The following ANO3 variants were observed in gnomAD, a reference collection of about 807,000 sequenced individuals.
ANO3 encodes the protein anoctamin-3.
ANO3 carries 99 observed loss-of-function variants against 144.8 expected under a neutral mutation model. The ratio of observed to expected loss-of-function variants is 0.68; its 90% CI spans 0.58 to 0.81. The LOEUF is 0.81. ANO3 is among the 30% of genes least tolerant of loss of function. The pLI is 0.00. For missense variants in ANO3, 905 were observed against 1,202.2 expected, an observed-to-expected ratio of 0.75 and a Z score of 3.66; for synonymous variants, 414 against 392.6, an observed-to-expected ratio of 1.05 and a Z score of -0.64.
At chr11:26,262,739 CAG>C (rs926800288) in intron 1 of ANO3, among the ~76,000 whole-genome samples, 99 of 148,020 alleles carry the variant, frequency 6.7e-4, no homozygotes, top group Non-Finnish European at 7.7e-4. Flanking sequence ...CACACACACA[CAG>C]AGAGAGAGAG....
At chr11:26,417,088 G>C (rs1857611512) in intron 1 of ANO3, among the ~76,000 whole-genome samples, 1 of 151,884 alleles carries the variant, frequency 6.6e-6, no homozygotes, top group Non-Finnish European at 1.5e-5. Flanking sequence ...TAGAACCATG[G>C]CACAAGAGCA....
At chr11:26,449,062 G>A (rs183061673) in intron 3 of ANO3, among the ~76,000 whole-genome samples, 195 of 152,182 alleles carry the variant, frequency 1.3e-3, no homozygotes, top group African/African-American at 4.6e-3. Context: ...ACTCACTCTG[G>A]TATTCAGAGA....
chr11:26,384,447 ACT>A (rs1318061009), intron 1 of ANO3, among the ~76,000 whole-genome samples: 1 of 152,188 alleles, frequency 6.6e-6, no homozygotes. Context: ...AATTGTAGGT[ACT>A]GAGAACCTCT....
chr11:26,466,581 G>C (rs1436307081), intron 4 of ANO3, among the ~76,000 whole-genome samples: 1 of 151,932 alleles, frequency 6.6e-6, no homozygotes, highest in Non-Finnish European at 1.5e-5. Context: ...TCTTGAGGAG[G>C]AGAAGAGACC....
At chr11:26,239,907 C>T (rs996509966) in intron 1 of ANO3, among the ~76,000 whole-genome samples, 3 of 152,102 alleles carry the variant, frequency 2.0e-5, no homozygotes, top group Non-Finnish European at 2.9e-5. Flanking sequence ...TGTCGCTTTG[C>T]GAAGAAAGAA....
intron 20 of ANO3, among the ~76,000 whole-genome samples, chr11:26,637,973 T>A (rs1853017922): frequency 1.3e-5 from 2 of 152,212 alleles, no homozygotes; most frequent in African/African-American, 4.8e-5. Flanking sequence ...TTGTGATTTT[T>A]GTTGAAATCA....
rs1467445880 is a variant in ANO3 at position 26,332,206 on chromosome 11, A to G, written c.-70A>G. On this transcript the variant is annotated 5_prime_UTR_variant, in exon 1 of 27. Coordinates refer to ENST00000256737, the MANE Select transcript of ANO3 (RefSeq NM_031418.4). ...AGGCTCCGGACCTTGGAGCGTCTAG[A>G]GTCTGGCTACTGTTCCTCCGCCTCC... 12 of 1,613,664 alleles carry G rather than the reference A, an allele frequency of 7.4e-6. No homozygotes were observed. In the African/African-American group the frequency reaches 1.3e-4, roughly 18 times the overall value.
At chr11:26,217,822 GGTTGTT>G (rs112390207) in intron 1 of ANO3, among the ~76,000 whole-genome samples, 14 of 151,198 alleles carry the variant, frequency 9.3e-5, no homozygotes, top group African/African-American at 2.2e-4. Flanking sequence ...GTCAAAAACA[GGTTGTT>G]GTTGTTGTTG....
intron 14 of ANO3, among the ~76,000 whole-genome samples, chr11:26,591,335 T>C (rs1175063534): frequency 6.6e-6 from 1 of 152,160 alleles, no homozygotes; most frequent in African/African-American, 2.4e-5. Flanking sequence ...GAGGGGTGCC[T>C]TTGATGTCAT....
intron 1 of ANO3, among the ~76,000 whole-genome samples, chr11:26,400,630 AAT>A (rs1355733247): frequency 3.3e-5 from 5 of 151,844 alleles, no homozygotes; most frequent in Non-Finnish European, 7.4e-5. Flanking sequence ...TTCTTTCATT[AAT>A]ATGTTTGCAT....
intron 13 of ANO3, among the ~76,000 whole-genome samples, chr11:26,558,557 A>T (rs1270906177): frequency 1.3e-5 from 2 of 152,048 alleles, no homozygotes. Flanking sequence ...TTTTTATATT[A>T]ATTTTTAGAA....
At chr11:26,506,108 C>T (rs1339502681) in intron 4 of ANO3, among the ~76,000 whole-genome samples, 2 of 151,694 alleles carry the variant, frequency 1.3e-5, no homozygotes, top group African/African-American at 4.8e-5. Flanking sequence ...CAAACGCCCT[C>T]TAAAATCTGA....
chr11:26,441,868 C>A, intron 1 of ANO3, 50 bp from the exon 2 acceptor site: 1 of 1,420,062 alleles, frequency 7.0e-7, no homozygotes, highest in South Asian at 1.2e-5. Context: ...TTTTATTGAC[C>A]TCTACTGATT....
Position 26,443,695 on chromosome 11 carries a change from T to C in ANO3, c.242-70T>C, listed in dbSNP as rs1858608057. 3 of 825,404 alleles carry C rather than the reference T, an allele frequency of 3.6e-6. No individual in the cohort carries two copies. In the East Asian group the frequency reaches 8.5e-5, roughly 23 times the overall value. 51.1% of individuals were successfully genotyped at this position (825,404 alleles called of 1,614,324 possible). ...TGTTTGGCCATCATTTGTCCATCTA[T>C]AACCATGGTTATTTTTCTGTTGTTA... is the stretch of plus-strand genomic sequence containing the variant. On this transcript the variant is annotated intron_variant, in intron 2 of 26. Transcript: ENST00000256737.
chr11:26,654,394 T>C (rs1256530677), intron 24 of ANO3, among the ~76,000 whole-genome samples: 1 of 152,128 alleles, frequency 6.6e-6, no homozygotes, highest in Non-Finnish European at 1.5e-5. Flanking sequence ...ATAGTATTTA[T>C]TTAAATTTTA....
chr11:26,471,180 G>A (rs78397115), intron 4 of ANO3, among the ~76,000 whole-genome samples: 3,286 of 152,002 alleles, frequency 0.022, 97 homozygotes, highest in African/African-American at 0.075. Flanking sequence ...AAGCTAGGTG[G>A]AACCAGAGCT....
At chr11:26,378,639 G>A (rs950925474) in intron 1 of ANO3, among the ~76,000 whole-genome samples, 7 of 151,908 alleles carry the variant, frequency 4.6e-5, no homozygotes, top group South Asian at 2.1e-4. Flanking sequence ...AGCTCTGAGC[G>A]GTTTCAATTA....
intron 17 of ANO3, among the ~76,000 whole-genome samples, chr11:26,609,753 C>T (rs1852040862): frequency 6.6e-6 from 1 of 151,908 alleles, no homozygotes; most frequent in Non-Finnish European, 1.5e-5. Flanking sequence ...GGATATATAC[C>T]CAGTAGTGAG....
chr11:26,325,657 T>C (rs559442146), intron 1 of ANO3, among the ~76,000 whole-genome samples: 1 of 152,334 alleles, frequency 6.6e-6, no homozygotes, highest in South Asian at 2.1e-4. Flanking sequence ...TCACAATGTT[T>C]GATTTCAAAT....
Sources: allele counts gnomAD v4.1 joint callset (sites outside exome capture counted in the v4.1 genomes callset), GRCh38; gene constraint gnomAD v4.1.1; transcripts MANE v1.5; gene names NCBI Gene and HGNC (gene_info 2026-07-23, HGNC 2026-07-21).